ANO1: variants seen among roughly 807,000 people sequenced by gnomAD.
The protein encoded by ANO1 is anoctamin-1.
A neutral mutation model predicts 124.0 loss-of-function variants in ANO1; 59 were observed. That is an observed-to-expected ratio of 0.48 (90% confidence interval 0.39 to 0.59). ANO1 has a LOEUF of 0.59. Ranked by LOEUF, ANO1 falls within the 20% of genes least tolerant of loss-of-function variation. The pLI, the probability that ANO1 is intolerant of heterozygous loss-of-function variation, is 0.00. For synonymous variants in ANO1, 529 were observed against 532.0 expected, an observed-to-expected ratio of 0.99 and a Z score of 0.08; for missense variants, 1,059 against 1,328.0, an observed-to-expected ratio of 0.80 and a Z score of 3.15.
At chr11:70,155,555 C>T (rs2047775397) in intron 14 of ANO1, among the ~76,000 whole-genome samples, 1 of 152,222 alleles carries the variant, frequency 6.6e-6, no homozygotes, top group African/African-American at 2.4e-5. Context: ...GGTGTGGCTT[C>T]CTTCTTGCTG....
the ANO1 span, among the ~76,000 whole-genome samples, chr11:69,968,907 T>C: frequency 5.9e-5 from 9 of 152,242 alleles, no homozygotes; most frequent in Admixed American, 6.5e-5. Flanking sequence ...GAGGGAGCCC[T>C]GGCAGGACCC....
the ANO1 span, among the ~76,000 whole-genome samples, chr11:69,977,044 C>T: frequency 3.9e-3 from 600 of 152,356 alleles, 12 homozygotes; most frequent in African/African-American, 0.014. Context: ...CTGATGCACA[C>T]TCACTCTCTT....
Position 70,155,905 on chromosome 11 carries a change from C to G in ANO1, c.1426-6C>G, listed in dbSNP as rs568010170. 5.5e-4 allele frequency: 846 copies of G among 1,541,860 alleles called. 2 individuals carry two copies. The highest frequency in any genetic ancestry group is 4.5e-3 in the Middle Eastern group (27 of 5,976). Reference sequence around the variant, plus strand: ...ACGGTGCTCTCTTTCCCCCACCCCCCCTCAGAAGCGCCGGCATATTCCAGA... The same window carrying G: ...ACGGTGCTCTCTTTCCCCCACCCCCGCTCAGAAGCGCCGGCATATTCCAGA... On this transcript the variant is annotated splice_region_variant and splice_polypyrimidine_tract_variant and intron_variant, in intron 14 of 25. Transcript: ENST00000355303.
At chr11:70,101,079 A>G (rs1406587412) in intron 2 of ANO1, among the ~76,000 whole-genome samples, 2 of 151,842 alleles carry the variant, frequency 1.3e-5, no homozygotes, top group African/African-American at 2.4e-5. Context: ...TTGCTTTTCT[A>G]TCGGATCAGG....
rs910687142 is a variant in ANO1 at position 70,155,881 on chromosome 11, C to T, written c.1426-30C>T. 8.5e-6 allele frequency: 13 copies of T among 1,528,228 alleles called. No homozygotes were observed. The East Asian group carries it at 1.0e-4, about 12-fold the overall frequency. 94.7% of individuals were successfully genotyped at this position (1,528,228 alleles called of 1,614,324 possible). ...CGGTGCCGCCTCCCACTTCACCGCA[C>T]GGTGCTCTCTTTCCCCCACCCCCCC... On this transcript the variant is annotated intron_variant, in intron 14 of 25. Coordinates refer to ENST00000355303, the MANE Select transcript of ANO1 (RefSeq NM_018043.7).
intron 1 of ANO1, among the ~76,000 whole-genome samples, chr11:70,038,874 G>A (rs1857136675): frequency 6.6e-6 from 1 of 152,196 alleles, no homozygotes; most frequent in Non-Finnish European, 1.5e-5. Context: ...AGTTAAGACA[G>A]AGTGAGTGTG....
chr11:70,184,402 C>T (rs1164910027), intron 24 of ANO1, among the ~76,000 whole-genome samples: 1 of 152,128 alleles, frequency 6.6e-6, no homozygotes, highest in African/African-American at 2.4e-5. Flanking sequence ...CCTGAGGCTC[C>T]AATCATATCC....
intron 4 of ANO1, among the ~76,000 whole-genome samples, chr11:70,105,108 C>G (rs923823560): frequency 6.6e-6 from 1 of 152,040 alleles, no homozygotes; most frequent in East Asian, 1.9e-4. Context: ...TGCCCTGGGT[C>G]GACTCTGTCA....
intron 1 of ANO1, among the ~76,000 whole-genome samples, chr11:70,022,869 G>C (rs1432221185): frequency 2.0e-5 from 3 of 152,174 alleles, no homozygotes; most frequent in Non-Finnish European, 4.4e-5. Context: ...ACTATCTGGT[G>C]GGCCCAACAT....
intron 1 of ANO1, among the ~76,000 whole-genome samples, chr11:70,002,842 T>C (rs899236566): frequency 2.0e-5 from 3 of 152,142 alleles, no homozygotes; most frequent in Admixed American, 2.0e-4. Flanking sequence ...ATACCCCTAA[T>C]ACCCCAAAGT....
At chr11:70,092,163 CTCTCTGTTGTGTG>C (rs1373764130) in intron 2 of ANO1, among the ~76,000 whole-genome samples, 3 of 152,330 alleles carry the variant, frequency 2.0e-5, no homozygotes, top group Admixed American at 6.5e-5. Context: ...TCACTCGGCC[CTCTCTGTTGTGTG>C]TCTCTGTTGT....
chr11:70,001,636 T>G (rs1467769694), intron 1 of ANO1, among the ~76,000 whole-genome samples: 1 of 152,180 alleles, frequency 6.6e-6, no homozygotes, highest in East Asian at 1.9e-4. Flanking sequence ...TCCATGGGGA[T>G]AGAAACCAGA....
intron 5 of ANO1, among the ~76,000 whole-genome samples, chr11:70,106,854 G>C (rs538815188): frequency 6.6e-6 from 1 of 152,318 alleles, no homozygotes; most frequent in Admixed American, 6.5e-5. Flanking sequence ...AAGTGGATAG[G>C]AGTCAGAGAA....
intron 6 of ANO1, among the ~76,000 whole-genome samples, chr11:70,109,579 T>C (rs570921315): frequency 1.3e-5 from 2 of 151,690 alleles, no homozygotes; most frequent in East Asian, 3.9e-4. Flanking sequence ...ACGTTGGGAG[T>C]TTGGGTTTTT....
intron 2 of ANO1, among the ~76,000 whole-genome samples, chr11:70,098,312 G>A (rs1014081968): frequency 7.9e-5 from 12 of 152,346 alleles, no homozygotes; most frequent in Admixed American, 6.5e-4. Flanking sequence ...CCCCACCAAC[G>A]ATGAGGCTCC....
At chr11:70,037,522 G>T (rs187357903) in intron 1 of ANO1, among the ~76,000 whole-genome samples, 107 of 152,108 alleles carry the variant, frequency 7.0e-4, no homozygotes, top group African/African-American at 2.5e-3. Flanking sequence ...GTGGGTCACA[G>T]ACGCCAAGGA....
At chr11:70,038,149 A>G (rs1284309138) in intron 1 of ANO1, among the ~76,000 whole-genome samples, 2 of 152,122 alleles carry the variant, frequency 1.3e-5, no homozygotes, top group African/African-American at 4.8e-5. Context: ...GCATATCTAT[A>G]TATGTTCCAA....
intron 1 of ANO1, among the ~76,000 whole-genome samples, chr11:70,025,930 T>C (rs1255395766): frequency 6.7e-6 from 1 of 149,446 alleles, no homozygotes; most frequent in African/African-American, 2.5e-5. Context: ...ACGATGATGA[T>C]GGTGCTGGTG....
At chr11:69,987,535 C>A (rs890799298) in intron 1 of ANO1, among the ~76,000 whole-genome samples, 1 of 147,860 alleles carries the variant, frequency 6.8e-6, no homozygotes, top group Admixed American at 6.8e-5. Context: ...AGGAGGATCG[C>A]TTGAGCCCGC....
Sources: gnomAD v4.1 joint callset for allele counts (sites outside exome capture counted in the v4.1 genomes callset) on GRCh38, gnomAD v4.1.1 for gene constraint, MANE v1.5 for transcripts, NCBI Gene and HGNC (gene_info 2026-07-23, HGNC 2026-07-21) for gene names.